Variants in PPP1CB observed in about 807,000 individuals in gnomAD.
PPP1CB encodes the protein protein phosphatase 1 catalytic subunit beta.
Under a neutral mutation model 43.7 loss-of-function variants are expected in PPP1CB, and 2 were observed. The ratio of observed to expected loss-of-function variants is 0.05; its 90% CI spans 0.02 to 0.14. The LOEUF (loss-of-function observed/expected upper bound fraction) is 0.14, where lower values mean the gene tolerates loss of function less well. Ranked by LOEUF, PPP1CB falls within the 10% of genes least tolerant of loss-of-function variation. The probability of loss-of-function intolerance (pLI) is 1.00; values close to 1 mark genes in which losing one functional copy is unlikely to be tolerated. For synonymous variants in PPP1CB, 136 were observed against 135.6 expected (o/e 1.00, Z -0.02); for missense variants, 84 against 398.0 (o/e 0.21, Z 6.71).
chr2:28,758,523 C>T (rs1666541579), intron 1 of PPP1CB, among the ~76,000 whole-genome samples: 1 of 152,034 alleles, frequency 6.6e-6, no homozygotes. Context: ...AGATTGATAC[C>T]CTTAGGCAGC....
chr2:28,798,953 A>G (rs200363675), intron 7 of PPP1CB, among the ~76,000 whole-genome samples: 1 of 149,354 alleles, frequency 6.7e-6, no homozygotes, highest in East Asian at 1.9e-4. Flanking sequence ...AAGTTCAAAA[A>G]GTTTTTTACT....
intron 3 of PPP1CB, among the ~76,000 whole-genome samples, chr2:28,781,096 T>TTAA (rs1382158712): frequency 1.3e-5 from 2 of 152,122 alleles, no homozygotes; most frequent in African/African-American, 4.8e-5. Flanking sequence ...TAAGAGCCTA[T>TTAA]TAGACTGTTT....
chr2:28,772,544 A>G (rs1181090112), intron 1 of PPP1CB, among the ~76,000 whole-genome samples: 1 of 152,208 alleles, frequency 6.6e-6, no homozygotes, highest in Non-Finnish European at 1.5e-5. Context: ...GCTTTGTTCT[A>G]TACATACCTA....
rs1007500557 is a variant in PPP1CB, at chr2:28,799,590, C to A, written c.*287C>A. On this transcript the variant is annotated 3_prime_UTR_variant, in exon 8 of 8. Coordinates refer to ENST00000395366, the MANE Select transcript of PPP1CB (RefSeq NM_002709.3). ...CAATTTTTAAAGTTGAAAAGCATCC[C>A]AGTTAAACTAGATGTGATAGTTAAA... 3.7e-6 allele frequency: 1 copy of A among 273,742 alleles called. No homozygotes were observed. The highest frequency in any genetic ancestry group is 6.8e-6 in the Non-Finnish European group (1 of 146,982). The allele number at this position is 273,742 out of a possible 1,614,324, so 17.0% of individuals were successfully genotyped here.
chr2:28,754,050 T>G (rs761775969), intron 1 of PPP1CB, among the ~76,000 whole-genome samples: 1 of 152,222 alleles, frequency 6.6e-6, no homozygotes, highest in Non-Finnish European at 1.5e-5. Context: ...TTTATATATT[T>G]TAAACTTTGC....
chr2:28,797,533 A>G (rs1667521054), intron 7 of PPP1CB, among the ~76,000 whole-genome samples: 1 of 151,872 alleles, frequency 6.6e-6, no homozygotes, highest in Non-Finnish European at 1.5e-5. Context: ...TTCATTTCTT[A>G]GGAGGTCATG....
At chr2:28,790,531 G>A (rs939290618) in intron 6 of PPP1CB, among the ~76,000 whole-genome samples, 34 of 151,962 alleles carry the variant, frequency 2.2e-4, no homozygotes, top group African/African-American at 7.7e-4. Context: ...GTAGAGACGG[G>A]GTTTCACTAT....
intron 6 of PPP1CB, among the ~76,000 whole-genome samples, chr2:28,789,746 G>T (rs374710050): frequency 6.7e-6 from 1 of 149,632 alleles, no homozygotes; most frequent in South Asian, 2.2e-4. Context: ...TTACAGGCAC[G>T]CACCACCACG....
intron 5 of PPP1CB, among the ~76,000 whole-genome samples, chr2:28,785,420 T>G (rs1166126139): frequency 6.6e-6 from 1 of 152,162 alleles, no homozygotes; most frequent in Non-Finnish European, 1.5e-5. Context: ...TGTTGATTAT[T>G]TTTTAAAGTA....
chr2:28,776,887 C>G lies in PPP1CB; in HGVS notation c.89C>G (p.Thr30Ser), dbSNP rs1238656649. 1.9e-6 allele frequency: 3 copies of G among 1,612,952 alleles called. No homozygotes were observed. The African/African-American group carries it at 4.0e-5, about 22-fold the overall frequency. Residue 30 changes from threonine to serine, a missense_variant, in exon 2 of 8, where the codon ACT becomes AGT. By Grantham distance (58) the Thr-to-Ser change is moderately conservative. Transcript: ENST00000395366. ...GCRPGKIVQMTEAEVRGLCIK... is the reference protein window; with the variant it reads ...GCRPGKIVQMSEAEVRGLCIK... ...CGTCCAGGAAAGATTGTGCAGATGACTGAAGCAGAAGTTCGAGGCTTATGT... is the reference window on the plus strand; with the variant it reads ...CGTCCAGGAAAGATTGTGCAGATGAGTGAAGCAGAAGTTCGAGGCTTATGT...
chr2:28,752,764 G>A (rs568104699), intron 1 of PPP1CB, among the ~76,000 whole-genome samples: 1 of 152,180 alleles, frequency 6.6e-6, no homozygotes, highest in Non-Finnish European at 1.5e-5. Flanking sequence ...TTAATCTACC[G>A]TTTGTTACTT....
At chr2:28,779,767 T>A (rs1217051540) in intron 3 of PPP1CB, among the ~76,000 whole-genome samples, 1 of 152,242 alleles carries the variant, frequency 6.6e-6, no homozygotes, top group African/African-American at 2.4e-5. Flanking sequence ...TTAATTATGT[T>A]AGAGACCTAT....
chr2:28,782,613 T>C (rs1572461390), intron 4 of PPP1CB: 2 of 152,332 alleles, frequency 1.3e-5, no homozygotes, highest in African/African-American at 4.8e-5. Context: ...CTTTGTTGTC[T>C]AGTTTAGGGA....
intron 6 of PPP1CB, 22 bp from the exon 7 acceptor site, chr2:28,793,841 C>T (rs1400492886): frequency 1.2e-6 from 2 of 1,612,140 alleles, no homozygotes; most frequent in Admixed American, 1.7e-5. Flanking sequence ...AATGTTTTTT[C>T]TTCTGACATT....
intron 1 of PPP1CB, among the ~76,000 whole-genome samples, chr2:28,772,087 C>T (rs568704209): frequency 2.0e-5 from 3 of 151,778 alleles, no homozygotes; most frequent in East Asian, 1.9e-4. Flanking sequence ...GAGGCCAAGG[C>T]GGGGAGATTA....
intron 4 of PPP1CB, among the ~76,000 whole-genome samples, chr2:28,783,329 G>GT (rs1025463795): frequency 1.3e-4 from 20 of 148,952 alleles, no homozygotes; most frequent in African/African-American, 2.2e-4. Context: ...AAGAATGGTA[G>GT]TTTTTTTTTT....
chr2:28,754,099 A>C (rs527257802), intron 1 of PPP1CB, among the ~76,000 whole-genome samples: 30 of 152,212 alleles, frequency 2.0e-4, no homozygotes, highest in African/African-American at 7.2e-4. Context: ...TTTGTATCTC[A>C]ATTTATTTAT....
chr2:28,786,146 T>C (rs1197925460), intron 5 of PPP1CB, among the ~76,000 whole-genome samples: 1 of 152,142 alleles, frequency 6.6e-6, no homozygotes, highest in Admixed American at 6.5e-5. Context: ...AGAATTTCAC[T>C]CTTGTCGCCC....
intron 4 of PPP1CB, among the ~76,000 whole-genome samples, chr2:28,783,553 C>T (rs897850886): frequency 2.6e-5 from 4 of 151,942 alleles, no homozygotes; most frequent in South Asian, 2.1e-4. Flanking sequence ...GTCAAGAGAT[C>T]GAGACCAGCC....
Sources: allele counts gnomAD v4.1 joint callset (sites outside exome capture counted in the v4.1 genomes callset), GRCh38; gene constraint gnomAD v4.1.1; transcripts MANE v1.5; gene names NCBI Gene and HGNC (gene_info 2026-07-23, HGNC 2026-07-21).